The following CYP2R1 variants were observed in gnomAD, a reference collection of about 807,000 sequenced individuals.
CYP2R1 encodes the protein cytochrome P450 family 2 subfamily R member 1.
CYP2R1 carries 40 observed loss-of-function variants against 45.7 expected under a neutral mutation model. The observed-to-expected ratio is 0.87, with a 90% confidence interval of 0.68 to 1.14. CYP2R1 has a LOEUF of 1.14. Ranked by LOEUF, CYP2R1 falls within the 50% of genes most tolerant of loss-of-function variation. The probability of loss-of-function intolerance (pLI) is 0.00; values close to 1 mark genes in which losing one functional copy is unlikely to be tolerated. For missense variants in CYP2R1, 605 were observed against 602.6 expected (o/e 1.00, Z -0.04); for synonymous variants, 234 against 219.3 (o/e 1.07, Z -0.59).
chr11:14,880,061 C>T, intron 3 of CYP2R1, 75 bp downstream of exon 3: 1 of 1,488,492 alleles, frequency 6.7e-7, no homozygotes, highest in Non-Finnish European at 9.3e-7. Context: ...ATGTATTGTG[C>T]ATGGCCAAGA....
At chr11:14,890,714 T>C (rs1449321000) in intron 1 of CYP2R1, among the ~76,000 whole-genome samples, 4 of 151,892 alleles carry the variant, frequency 2.6e-5, no homozygotes, top group African/African-American at 9.7e-5. Flanking sequence ...GCCCGGCTAA[T>C]TTTTTGTATT....
At chr11:14,891,526 G>A (rs1590236749) in intron 1 of CYP2R1, 4 of 996,512 alleles carry the variant, frequency 4.0e-6, no homozygotes, top group Non-Finnish European at 4.8e-6. Flanking sequence ...AGACACCGAA[G>A]AACCTGCTAT....
intron 1 of CYP2R1, chr11:14,891,508 T>C: frequency 2.0e-6 from 2 of 994,178 alleles, no homozygotes; most frequent in South Asian, 4.4e-5. Context: ...CAGTCGTTCG[T>C]CGACTGCAGA....
chr11:14,880,857 G>C (rs527270811), intron 2 of CYP2R1, 89 bp from the exon 3 acceptor site: 1 of 1,242,992 alleles, frequency 8.0e-7, no homozygotes, highest in Admixed American at 2.5e-5. Context: ...TGGATGGTTA[G>C]TCATCCTTCT....
At chr11:14,886,172 C>T (rs781818169) in intron 1 of CYP2R1, 26 of 476,708 alleles carry the variant, frequency 5.5e-5, no homozygotes, top group Admixed American at 5.1e-4. Context: ...GTACTGGACT[C>T]GGGAGGCCTG....
At chr11:14,879,475 C>A (rs1848291300) in intron 3 of CYP2R1, 32 bp from the exon 4 acceptor site, 7 of 1,529,486 alleles carry the variant, frequency 4.6e-6, no homozygotes, top group Non-Finnish European at 5.3e-6. Flanking sequence ...AGTTATTATG[C>A]AGTTCTTAGA....
chr11:14,879,047 G>A, intron 4 of CYP2R1, 67 bp downstream of exon 4: 2 of 1,263,270 alleles, frequency 1.6e-6, no homozygotes, highest in South Asian at 2.4e-5. Flanking sequence ...TTCAGATTAA[G>A]ATGCTGTATC....
intron 1 of CYP2R1, chr11:14,891,097 G>A (rs1435173801): frequency 2.0e-6 from 2 of 985,318 alleles, no homozygotes; most frequent in African/African-American, 1.7e-5. Flanking sequence ...AAACAGGTGA[G>A]CTCTGTCCCA....
chr11:14,887,608 A>T, intron 1 of CYP2R1: 1 of 985,394 alleles, frequency 1.0e-6, no homozygotes, highest in Non-Finnish European at 1.2e-6. Flanking sequence ...GTAAACAGGA[A>T]TACACAAAAC....
intron 3 of CYP2R1, among the ~76,000 whole-genome samples, 164 bp downstream of exon 3, chr11:14,879,967 TTGAGA>T (rs781968081): frequency 1.1e-4 from 17 of 152,112 alleles, no homozygotes; most frequent in Non-Finnish European, 1.9e-4. Flanking sequence ...TTTACATGAA[TTGAGA>T]TAATAGATTT....
Position 14,892,079 on chromosome 11 carries a change from G to GC in CYP2R1, c.126dup (p.Pro43AlafsTer51), listed in dbSNP as rs781869942. On this transcript the variant is annotated frameshift_variant, in exon 1 of 5. Transcript: ENST00000334636. LOFTEE classifies it high-confidence loss of function. ...TTGCCGATAAATGGCAGCCCCGGCG[G>GC]CCCCGGGGGGAAGCCCATCGGCCGC... 6.2e-7 allele frequency: 1 copy of GC among 1,611,752 alleles called. No individual in the cohort carries two copies. The highest frequency in any genetic ancestry group is 8.5e-7 in the Non-Finnish European group (1 of 1,179,614).
chr11:14,892,235 G>T (rs1555017505), upstream of CYP2R1: 3 of 1,592,694 alleles, frequency 1.9e-6, no homozygotes, highest in Non-Finnish European at 2.6e-6. Flanking sequence ...GAACTCCACA[G>T]CAGCCCTGAG....
upstream of CYP2R1, chr11:14,892,328 G>A: frequency 1.5e-5 from 14 of 916,522 alleles, 1 homozygote; most frequent in South Asian, 1.6e-4. Flanking sequence ...GCCATTGGCT[G>A]ACTGAGTGAG....
chr11:14,892,025 G>C lies in CYP2R1; in HGVS notation c.181C>G (p.Leu61Val). 6.2e-7 allele frequency: 1 copy of C among 1,613,368 alleles called. No homozygotes were observed. Among genetic ancestry groups the C allele is most frequent in the Non-Finnish European group, 8.5e-7 (1 of 1,179,722 alleles). ...TGCTTTCTCATGTAGACATGGGGAA[G>C]CTCGGATGAGGCTGCCAGGGAATAG... Reference protein sequence around the residue: ...NIYSLAASSELPHVYMRKQSQ... With the variant: ...NIYSLAASSEVPHVYMRKQSQ... Residue 61 changes from leucine to valine, a missense_variant, in exon 1 of 5, where the codon CTT (leucine) becomes GTT (valine). Transcript: ENST00000334636.
intron 1 of CYP2R1, among the ~76,000 whole-genome samples, chr11:14,888,726 C>A (rs1213202961): frequency 6.6e-5 from 10 of 152,144 alleles, no homozygotes; most frequent in African/African-American, 2.4e-4. Flanking sequence ...GTGATTTCAT[C>A]TTTTTCATCT....
chr11:14,884,277 A>G (rs183182689), intron 2 of CYP2R1, among the ~76,000 whole-genome samples: 207 of 152,086 alleles, frequency 1.4e-3, no homozygotes, highest in Admixed American at 4.5e-3. Flanking sequence ...ACTTGGAACC[A>G]ACCCAAAGGT....
chr11:14,879,152 T>C lies in CYP2R1; in HGVS notation c.1292A>G (p.Tyr431Cys). 6.2e-7 allele frequency: 1 copy of C among 1,613,168 alleles called. No individual in the cohort carries two copies. Among genetic ancestry groups the C allele is most frequent in the Middle Eastern group, 1.7e-4 (1 of 6,050 alleles). ...HPERFLDSSG[Y>C]FAKKEALVPF... ...AACCAAAGCTTCCTTCTTGGCAAAATATCCACTGCTGTCCAGAAATCGCTC... is the reference window on the plus strand; with the variant it reads ...AACCAAAGCTTCCTTCTTGGCAAAACATCCACTGCTGTCCAGAAATCGCTC... Residue 431 changes from tyrosine to cysteine, a missense_variant, in exon 4 of 5, where the codon TAT becomes TGT. Transcript: ENST00000334636.
chr11:14,877,498 T>TG lies in CYP2R1; in HGVS notation c.*623dup, dbSNP rs1848205216. On this transcript the variant is annotated 3_prime_UTR_variant, in exon 5 of 5. Coordinates refer to ENST00000334636, the MANE Select transcript of CYP2R1 (RefSeq NM_024514.5). ...CCTATCTACTTAACTGCTATGAAGA[T>TG]GGACACTCAGGGTCACACAGACCCT... 6.6e-6 allele frequency: 1 copy of TG among 152,138 alleles called. No homozygotes were observed. Among genetic ancestry groups the TG allele is most frequent in the Non-Finnish European group, 1.5e-5 (1 of 68,006 alleles). 9.4% of individuals were successfully genotyped at this position (152,138 alleles called of 1,614,324 possible). A position where few individuals can be genotyped will look rare whatever the true frequency, so the allele number is the denominator to read the frequency against.
chr11:14,888,289 A>G (rs572719514), intron 1 of CYP2R1, among the ~76,000 whole-genome samples: 3 of 152,344 alleles, frequency 2.0e-5, no homozygotes, highest in Admixed American at 1.3e-4. Flanking sequence ...GGTCACTGCT[A>G]TATCTCTAGC....
Sources: gnomAD v4.1 joint callset for allele counts (sites outside exome capture counted in the v4.1 genomes callset) on GRCh38, gnomAD v4.1.1 for gene constraint, MANE v1.5 for transcripts, NCBI Gene and HGNC (gene_info 2026-07-23, HGNC 2026-07-21) for gene names.